SPAG16: variants seen among roughly 807,000 people sequenced by gnomAD.
SPAG16 encodes sperm associated antigen 16.
Under a neutral mutation model 80.4 loss-of-function variants are expected in SPAG16, and 86 were observed. That is an observed-to-expected ratio of 1.07 (90% CI 0.90 to 1.28). The LOEUF is 1.28. SPAG16 is among the 50% of genes most tolerant of loss of function. The probability of loss-of-function intolerance (pLI) is 0.00; values close to 1 mark genes in which losing one functional copy is unlikely to be tolerated. For missense variants in SPAG16, 870 were observed against 765.3 expected (o/e 1.14, Z -1.61); for synonymous variants, 294 against 265.9 (o/e 1.11, Z -1.03).
At chr2:214,257,504 T>C (rs1690778408) in intron 15 of SPAG16, among the ~76,000 whole-genome samples, 1 of 152,058 alleles carries the variant, frequency 6.6e-6, no homozygotes, top group African/African-American at 2.4e-5. Context: ...ATGGTAATTG[T>C]AGTTTCTTAA....
intron 10 of SPAG16, among the ~76,000 whole-genome samples, chr2:213,650,863 T>C (rs1315132873): frequency 6.6e-6 from 1 of 152,186 alleles, no homozygotes; most frequent in Admixed American, 6.5e-5. Flanking sequence ...CATCCTAATT[T>C]TCAGGGTTCC....
chr2:213,660,352 C>T (rs1441052528), intron 10 of SPAG16, among the ~76,000 whole-genome samples: 1 of 151,742 alleles, frequency 6.6e-6, no homozygotes, highest in Non-Finnish European at 1.5e-5. Context: ...TCACTGCAAC[C>T]TCTGCCTCCT....
At chr2:214,085,147 A>G (rs2051638250) in intron 13 of SPAG16, among the ~76,000 whole-genome samples, 1 of 152,184 alleles carries the variant, frequency 6.6e-6, no homozygotes, top group Non-Finnish European at 1.5e-5. Flanking sequence ...GCGTAAAGCC[A>G]TGAGAAATTT....
At chr2:213,946,153 C>A (rs1265314181) in intron 12 of SPAG16, among the ~76,000 whole-genome samples, 2 of 152,056 alleles carry the variant, frequency 1.3e-5, no homozygotes, top group Non-Finnish European at 2.9e-5. Flanking sequence ...CTTTCTCTGT[C>A]ACCCAGGCTG....
rs1027207368 is a variant in SPAG16 at position 213,538,495 on chromosome 2, C to T, written c.1070+48405C>T. Among the ~76,000 whole-genome samples the T allele has an allele frequency of 7.9e-5, 12 of 152,152 alleles. 1 individual carries two copies. The highest frequency in any genetic ancestry group is 3.4e-3 in the Middle Eastern group (1 of 292). On this transcript the variant is annotated intron_variant, in intron 10 of 15. Coordinates refer to ENST00000331683, the MANE Select transcript of SPAG16 (RefSeq NM_024532.5). ...TAAAAGAACAATAAAGTGTTTATTT[C>T]CTTTTCTTAAAAAAATAAAATTCAC... is the stretch of plus-strand genomic sequence containing the variant.
intron 12 of SPAG16, among the ~76,000 whole-genome samples, chr2:213,954,064 C>T (rs1487218925): frequency 6.6e-6 from 1 of 151,858 alleles, no homozygotes; most frequent in African/African-American, 2.4e-5. Flanking sequence ...AATTGTGCAA[C>T]CATTGCTATA....
At chr2:214,293,575 T>C (rs993312290) in intron 15 of SPAG16, among the ~76,000 whole-genome samples, 1 of 152,202 alleles carries the variant, frequency 6.6e-6, no homozygotes, top group Non-Finnish European at 1.5e-5. Flanking sequence ...ACTCCCCAGG[T>C]CACTAGCAGA....
At chr2:213,807,304 A>C (rs1449583321) in intron 10 of SPAG16, among the ~76,000 whole-genome samples, 1 of 151,922 alleles carries the variant, frequency 6.6e-6, no homozygotes, top group East Asian at 1.9e-4. Flanking sequence ...CTCCACCTGC[A>C]GATGTCAGAA....
intron 10 of SPAG16, among the ~76,000 whole-genome samples, chr2:213,689,801 T>C (rs1372948483): frequency 1.3e-5 from 2 of 152,198 alleles, no homozygotes; most frequent in African/African-American, 4.8e-5. Context: ...ATTTTCTCTC[T>C]GCTGCCCTCT....
chr2:213,374,869 G>A, intron 8 of SPAG16, 141 bp from the exon 9 acceptor site: 2 of 598,306 alleles, frequency 3.3e-6, no homozygotes, highest in South Asian at 4.7e-5. Context: ...AAAGCATTTG[G>A]TATGGTTTGG....
At chr2:214,173,419 G>A (rs1207656413) in intron 15 of SPAG16, among the ~76,000 whole-genome samples, 40 of 152,012 alleles carry the variant, frequency 2.6e-4, no homozygotes, top group Non-Finnish European at 3.4e-4. Flanking sequence ...GATATGCGGC[G>A]TTATTTCTGA....
intron 15 of SPAG16, among the ~76,000 whole-genome samples, chr2:214,346,297 A>T (rs1698046712): frequency 6.6e-6 from 1 of 152,062 alleles, no homozygotes; most frequent in Non-Finnish European, 1.5e-5. Context: ...GTAGCATTTT[A>T]TTATAGTTTA....
At chr2:214,274,770 G>A (rs536712224) in intron 15 of SPAG16, among the ~76,000 whole-genome samples, 40 of 152,216 alleles carry the variant, frequency 2.6e-4, no homozygotes, top group African/African-American at 9.6e-4. Context: ...TTTTTGTTGT[G>A]TCTCTGCCAG....
intron 10 of SPAG16, among the ~76,000 whole-genome samples, chr2:213,574,604 C>G (rs960894894): frequency 2.0e-5 from 3 of 150,080 alleles, no homozygotes; most frequent in Non-Finnish European, 4.4e-5. Flanking sequence ...AATCCCTCAC[C>G]CTTACTCACT....
chr2:213,803,483 C>G (rs1454484707), intron 10 of SPAG16, among the ~76,000 whole-genome samples: 1 of 152,150 alleles, frequency 6.6e-6, no homozygotes, highest in Non-Finnish European at 1.5e-5. Context: ...GTCTTTCTGT[C>G]TCTTCTGAGA....
intron 15 of SPAG16, among the ~76,000 whole-genome samples, chr2:214,358,090 T>G (rs1232138325): frequency 6.6e-6 from 1 of 151,958 alleles, no homozygotes. Flanking sequence ...ATTTACTCAA[T>G]GTTGGCGTCT....
At chr2:213,354,463 C>G (rs888474281) in intron 7 of SPAG16, among the ~76,000 whole-genome samples, 3 of 152,192 alleles carry the variant, frequency 2.0e-5, no homozygotes, top group South Asian at 2.1e-4. Context: ...AATCACCACA[C>G]TGTCTTCCAC....
At chr2:213,691,278 C>A (rs1050983675) in intron 10 of SPAG16, among the ~76,000 whole-genome samples, 2 of 152,180 alleles carry the variant, frequency 1.3e-5, no homozygotes, top group Non-Finnish European at 2.9e-5. Flanking sequence ...CAATAGAATG[C>A]AGCAGGTGTG....
chr2:213,722,018 C>G (rs1354981267), intron 10 of SPAG16, among the ~76,000 whole-genome samples: 1 of 152,156 alleles, frequency 6.6e-6, no homozygotes, highest in Non-Finnish European at 1.5e-5. Flanking sequence ...ACATAATTGA[C>G]ATTTCACTAA....
Sources: gnomAD v4.1 joint callset for allele counts (sites outside exome capture counted in the v4.1 genomes callset) on GRCh38, gnomAD v4.1.1 for gene constraint, MANE v1.5 for transcripts, NCBI Gene and HGNC (gene_info 2026-07-23, HGNC 2026-07-21) for gene names.